Variants in AOAH observed in about 807,000 individuals in gnomAD.
AOAH encodes the protein acyloxyacyl hydrolase (neutrophil).
A neutral mutation model predicts 92.2 loss-of-function variants in AOAH; 64 were observed. The ratio of observed to expected loss-of-function variants is 0.69; its 90% CI spans 0.57 to 0.86. The LOEUF is 0.86. AOAH is among the 40% of genes least tolerant of loss of function. AOAH has a pLI of 0.00. For missense variants in AOAH, 656 were observed against 694.6 expected (o/e 0.94, Z 0.62); for synonymous variants, 263 against 254.5 (o/e 1.03, Z -0.32).
At chr7:36,621,817 T>C (rs2727822) in intron 7 of AOAH, 37 bp from the exon 8 acceptor site, 1,036,995 of 1,596,028 alleles carry the variant, frequency 0.65, 337,241 homozygotes, top group Admixed American at 0.71. Flanking sequence ...GGGTTCAGCC[T>C]GCTTTGATGT....
intron 1 of AOAH, among the ~76,000 whole-genome samples, chr7:36,711,429 T>C (rs1798762323): frequency 6.6e-6 from 1 of 152,166 alleles, no homozygotes; most frequent in African/African-American, 2.4e-5. Flanking sequence ...TCTTTCGGTA[T>C]TGCTCACTGT....
At chr7:36,626,598 T>G (rs957277493) in intron 6 of AOAH, among the ~76,000 whole-genome samples, 4 of 152,218 alleles carry the variant, frequency 2.6e-5, no homozygotes, top group East Asian at 3.8e-4. Flanking sequence ...TATAGGGCAA[T>G]TCGTAAGCTT....
intron 3 of AOAH, 28 bp from the exon 4 acceptor site, chr7:36,659,293 C>T (rs1562667932): frequency 6.4e-7 from 1 of 1,551,578 alleles, no homozygotes; most frequent in Non-Finnish European, 8.9e-7. Context: ...AAAACAAAGG[C>T]TATTCAGATC....
intron 1 of AOAH, among the ~76,000 whole-genome samples, chr7:36,695,233 T>A (rs751994603): frequency 1.3e-5 from 2 of 152,158 alleles, no homozygotes; most frequent in Non-Finnish European, 2.9e-5. Context: ...GAATTGCAAT[T>A]GATTATATTT....
intron 4 of AOAH, among the ~76,000 whole-genome samples, chr7:36,646,677 G>C (rs1208845259): frequency 6.6e-6 from 1 of 152,314 alleles, no homozygotes; most frequent in East Asian, 1.9e-4. Flanking sequence ...GGTGTCTGCA[G>C]GGTTGGTTCC....
intron 6 of AOAH, among the ~76,000 whole-genome samples, chr7:36,631,416 G>A (rs1457841400): frequency 6.6e-6 from 1 of 151,454 alleles, no homozygotes; most frequent in African/African-American, 2.4e-5. Context: ...TCTGAGTCCT[G>A]TGCCCTCTCA....
In AOAH at chr7:36,567,795, C is replaced by T. The variant is rs535318871; in HGVS notation, c.1021+8779G>A. On this transcript the variant is annotated intron_variant, in intron 13 of 20. Coordinates refer to ENST00000617537, the MANE Select transcript of AOAH (RefSeq NM_001637.4). ...GCCTACTGAGGAAGCAATTTTTTTC[C>T]GTCAGGTTTCTTTAGGTCAGCAGCA... Among the ~76,000 whole-genome samples the T allele has an allele frequency of 1.9e-4, 29 of 152,324 alleles. No individual in the cohort carries two copies. In the South Asian group the frequency reaches 5.4e-3, roughly 28 times the overall value.
intron 12 of AOAH, among the ~76,000 whole-genome samples, chr7:36,578,557 C>T (rs193050736): frequency 5.6e-4 from 86 of 152,274 alleles, no homozygotes; most frequent in African/African-American, 2.0e-3. Flanking sequence ...TTTCCATAGG[C>T]AACTAATTCC....
rs367967496 is a variant in AOAH, at chr7:36,686,734, T to C, written c.188A>G (p.Gln63Arg). The C allele has an allele frequency of 1.7e-5, 27 of 1,575,108 alleles. No individual in the cohort carries two copies. The East Asian group carries it at 2.2e-4, about 13-fold the overall frequency. The change falls in exon 2 of 21, where the codon CAG (glutamine) becomes CGG (arginine). Residue 63 changes from glutamine to arginine, a missense_variant. Physicochemically the swap from Gln to Arg is conservative, Grantham distance 43. Transcript: ENST00000617537. ...GCTGCACAGTCTCTCCATCGAGGCC[T>C]GGACCGTCGAGTTGTGAACTTGAGC... ...QLAQVHNSTV[Q>R]ASMERLCSYL...
intron 3 of AOAH, among the ~76,000 whole-genome samples, chr7:36,660,260 CATT>C (rs1204425921): frequency 6.6e-6 from 1 of 152,096 alleles, no homozygotes; most frequent in Non-Finnish European, 1.5e-5. Context: ...ACGTGCTTGA[CATT>C]ATTATTACTC....
intron 1 of AOAH, among the ~76,000 whole-genome samples, chr7:36,697,666 A>C (rs1217010934): frequency 6.6e-6 from 1 of 152,212 alleles, no homozygotes. Flanking sequence ...GATTTTCTGT[A>C]CCTGGTTGAA....
In AOAH at chr7:36,673,934, C is replaced by A; in HGVS notation, c.290+9G>T. 1.3e-6 allele frequency: 2 copies of A among 1,595,490 alleles called. No individual in the cohort carries two copies. The highest frequency in any genetic ancestry group is 1.7e-6 in the Non-Finnish European group (2 of 1,164,570). On this transcript the variant is annotated intron_variant, in intron 3 of 20. Coordinates refer to ENST00000617537, the MANE Select transcript of AOAH (RefSeq NM_001637.4). Reference sequence around the variant, plus strand: ...ATGGAATCAGAGTTATGTGTCATGGCATACTCACAGTTTTATGATGTCTGA... The same window carrying A: ...ATGGAATCAGAGTTATGTGTCATGGAATACTCACAGTTTTATGATGTCTGA...
chr7:36,564,142 A>G (rs1787503196), intron 13 of AOAH, among the ~76,000 whole-genome samples: 1 of 152,068 alleles, frequency 6.6e-6, no homozygotes, highest in South Asian at 2.1e-4. Context: ...TACCCCTCAG[A>G]GCCTCCCAGC....
intron 1 of AOAH, among the ~76,000 whole-genome samples, chr7:36,693,591 C>T (rs957170251): frequency 2.6e-5 from 4 of 151,946 alleles, no homozygotes; most frequent in African/African-American, 9.7e-5. Flanking sequence ...ATACTAAAAA[C>T]GTGTATAAAA....
chr7:36,520,836 C>A (rs1784071741), intron 20 of AOAH, among the ~76,000 whole-genome samples: 1 of 152,172 alleles, frequency 6.6e-6, no homozygotes, highest in Admixed American at 6.5e-5. Flanking sequence ...TTGATCAACT[C>A]ATCCAACTGA....
chr7:36,709,350 C>T (rs1424172054), intron 1 of AOAH, among the ~76,000 whole-genome samples: 1 of 152,114 alleles, frequency 6.6e-6, no homozygotes, highest in African/African-American at 2.4e-5. Flanking sequence ...ACTAACCAAG[C>T]TGAGGGCAGT....
chr7:36,552,265 T>C (rs1335875140), intron 13 of AOAH, among the ~76,000 whole-genome samples: 1 of 152,204 alleles, frequency 6.6e-6, no homozygotes, highest in Non-Finnish European at 1.5e-5. Flanking sequence ...TTTGGTTTTC[T>C]GTTCCTGTGT....
intron 4 of AOAH, among the ~76,000 whole-genome samples, chr7:36,648,679 T>A (rs566356999): frequency 6.6e-6 from 1 of 152,180 alleles, no homozygotes; most frequent in Admixed American, 6.5e-5. Flanking sequence ...GGATTTATTT[T>A]GCTATAAGGT....
intron 20 of AOAH, among the ~76,000 whole-genome samples, chr7:36,517,556 C>A (rs1308098777): frequency 6.6e-6 from 1 of 150,918 alleles, no homozygotes; most frequent in Admixed American, 6.6e-5. Context: ...ATAGAGGCAG[C>A]CTCTGTTAAC....
Sources: gnomAD v4.1 joint callset for allele counts (sites outside exome capture counted in the v4.1 genomes callset) on GRCh38, gnomAD v4.1.1 for gene constraint, MANE v1.5 for transcripts, NCBI Gene and HGNC (gene_info 2026-07-23, HGNC 2026-07-21) for gene names.